ZNF44: variants seen among roughly 807,000 people sequenced by gnomAD.
ZNF44 encodes zinc finger protein 44, also known as gonadotropin inducible transcription repressor-2.
In ZNF44, 9 loss-of-function variants were observed where a neutral mutation model predicts 11.7. The ratio of observed to expected loss-of-function variants is 0.77; its 90% CI spans 0.46 to 1.35. The LOEUF (loss-of-function observed/expected upper bound fraction) is 1.35. Among genes scored for constraint, ZNF44 ranks in the 40% most tolerant of loss-of-function variants. ZNF44 has a pLI of 0.00. For missense variants in ZNF44, 696 were observed against 743.1 expected (o/e 0.94, Z 0.74); for synonymous variants, 224 against 242.7 (o/e 0.92, Z 0.72).
intron 5 of ZNF44, among the ~76,000 whole-genome samples, chr19:12,256,393 G>A (rs1917259045): frequency 6.6e-6 from 1 of 152,074 alleles, no homozygotes; most frequent in African/African-American, 2.4e-5. Flanking sequence ...GGAGGCTGAG[G>A]CAGGGGAATT....
At chr19:12,245,657 C>A (rs1410293308), downstream of ZNF44, among the ~76,000 whole-genome samples, 1 of 152,174 alleles carries the variant, frequency 6.6e-6, no homozygotes, top group African/African-American at 2.4e-5. Flanking sequence ...CAAATTAGAT[C>A]TTGTTTGAAT....
At position 12,273,278 on chromosome 19, in the gene ZNF44, C is replaced by T. The variant is rs773030380; in HGVS notation, c.977G>A (p.Arg326Lys). The change falls in exon 4 of 4, where the codon AGA becomes AAA. Residue 326 changes from arginine to lysine, a missense_variant. Arg to Lys is a conservative substitution (Grantham distance 26). Transcript: ENST00000355684. ...KAFCHLGSFQ[R>K]HMIMHSGDGP... ...ATCTCCACTGTGCATTATCATGTGT[C>T]TTTGAAAGCTTCCAAGATGACAAAA... The T allele has an allele frequency of 5.0e-6, 8 of 1,613,652 alleles. No individual in the cohort carries two copies. Among genetic ancestry groups the T allele is most frequent in the South Asian group, 2.2e-5 (2 of 91,072 alleles).
chr19:12,286,182 T>G lies in ZNF44; in HGVS notation c.3+8510A>C, dbSNP rs531650958. Among the ~76,000 whole-genome samples, 15 of 152,312 alleles carry G rather than the reference T, an allele frequency of 9.8e-5. No homozygotes were observed. In the South Asian group the frequency reaches 3.1e-3, roughly 32 times the overall value. On this transcript the variant is annotated intron_variant, in intron 1 of 3. Coordinates refer to ENST00000355684, the MANE Select transcript of ZNF44 (RefSeq NM_016264.4). ...TTTGTGTTTTTCCCCCGTTCATCCT[T>G]TCTTGATGTCTCTGAATCAAATCAA...
intron 2 of ZNF44, among the ~76,000 whole-genome samples, chr19:12,233,051 T>A (rs1262224342): frequency 6.6e-6 from 1 of 152,232 alleles, no homozygotes; most frequent in African/African-American, 2.4e-5. Flanking sequence ...ATCAGCCTAA[T>A]GGCTAAGGTC....
At chr19:12,275,173 C>T (rs913866907) in intron 2 of ZNF44, 140 bp from the exon 3 acceptor site, 13 of 536,776 alleles carry the variant, frequency 2.4e-5, no homozygotes, top group Non-Finnish European at 3.7e-5. Context: ...GTTTGAACTG[C>T]ACAAGTCCAT....
intron 1 of ZNF44, among the ~76,000 whole-genome samples, chr19:12,287,556 A>G (rs1339192581): frequency 6.6e-6 from 1 of 152,180 alleles, no homozygotes; most frequent in Non-Finnish European, 1.5e-5. Context: ...GAGAACAGGC[A>G]GTATTTGTCT....
At chr19:12,232,003 T>C (rs990166320) in intron 2 of ZNF44, among the ~76,000 whole-genome samples, 4 of 152,230 alleles carry the variant, frequency 2.6e-5, no homozygotes, top group African/African-American at 4.8e-5. Context: ...TTAGTATTTA[T>C]TGATCATTTG....
intron 5 of ZNF44, among the ~76,000 whole-genome samples, chr19:12,258,769 G>A (rs908835871): frequency 9.2e-5 from 14 of 152,146 alleles, no homozygotes; most frequent in Middle Eastern, 3.2e-3. Context: ...GGCGGAGGCT[G>A]CAGTGAGCTG....
At chr19:12,269,255 T>G (rs1966886920), downstream of ZNF44, among the ~76,000 whole-genome samples, 1 of 152,188 alleles carries the variant, frequency 6.6e-6, no homozygotes, top group East Asian at 1.9e-4. Flanking sequence ...CCGGGCACAG[T>G]GGCTCACGCC....
At chr19:12,266,183 G>A (rs1252227269) in intron 5 of ZNF44, 1 of 893,962 alleles carries the variant, frequency 1.1e-6, no homozygotes, top group Non-Finnish European at 1.3e-6. Flanking sequence ...CCCAGACCCC[G>A]GAGTCGCCCG....
intron 1 of ZNF44, among the ~76,000 whole-genome samples, chr19:12,291,731 C>T (rs1012566557): frequency 3.3e-5 from 5 of 151,816 alleles, no homozygotes; most frequent in Admixed American, 1.3e-4. Flanking sequence ...GTGGCTCACA[C>T]CTGTAATCCC....
intron 3 of ZNF44, among the ~76,000 whole-genome samples, chr19:12,227,913 T>A (rs1010925659): frequency 6.6e-6 from 1 of 152,236 alleles, no homozygotes; most frequent in African/African-American, 2.4e-5. Flanking sequence ...ACTCCATTTT[T>A]AATAAAACCT....
At chr19:12,271,456 T>C (rs1309494876), downstream of ZNF44, among the ~76,000 whole-genome samples, 1 of 152,200 alleles carries the variant, frequency 6.6e-6, no homozygotes, top group Non-Finnish European at 1.5e-5. Context: ...CCAACATAGA[T>C]GAAGGTCTTG....
chr19:12,252,905 A>C (rs1322463929), intron 5 of ZNF44, among the ~76,000 whole-genome samples: 1 of 38,208 alleles, frequency 2.6e-5, no homozygotes, highest in Admixed American at 4.0e-4. Flanking sequence ...TTTTTTTTTG[A>C]GAGACAGAGT....
Position 12,290,411 on chromosome 19 carries a change from G to C in ZNF44, c.3+4281C>G, listed in dbSNP as rs1268636348. Among the ~76,000 whole-genome samples the C allele has an allele frequency of 2.2e-5, 3 of 137,872 alleles. No homozygotes were observed. The East Asian group carries it at 6.6e-4, about 30-fold the overall frequency. The allele number at this position is 137,872 out of a possible 152,430, so 90.4% of individuals were successfully genotyped here. A position where few individuals can be genotyped will look rare whatever the true frequency, so the allele number is the denominator to read the frequency against. On this transcript the variant is annotated intron_variant, in intron 1 of 3. Coordinates refer to ENST00000355684, the MANE Select transcript of ZNF44 (RefSeq NM_016264.4). ...CGTCTTAAACAAAAAAAAAAAAAAGGCTCCTCCCAGGCCAGGCACAGTGGT... is the reference window on the plus strand; with the variant it reads ...CGTCTTAAACAAAAAAAAAAAAAAGCCTCCTCCCAGGCCAGGCACAGTGGT...
intron 5 of ZNF44, among the ~76,000 whole-genome samples, chr19:12,265,856 G>C (rs1917707656): frequency 6.6e-6 from 1 of 152,212 alleles, no homozygotes; most frequent in Admixed American, 6.5e-5. Context: ...CTTAGAAACT[G>C]CGACTTTATG....
chr19:12,291,854 T>C (rs1287476828), intron 1 of ZNF44, among the ~76,000 whole-genome samples: 2 of 150,800 alleles, frequency 1.3e-5, no homozygotes, highest in South Asian at 2.1e-4. Flanking sequence ...TAGCCAGGCA[T>C]GGTGGCATGT....
chr19:12,293,501 G>T, intron 1 of ZNF44: 2 of 831,046 alleles, frequency 2.4e-6, no homozygotes, highest in Non-Finnish European at 3.5e-6. Context: ...GTGTCAGGTG[G>T]TTATTCTCTT....
intron 5 of ZNF44, among the ~76,000 whole-genome samples, chr19:12,259,809 C>G (rs1917422987): frequency 6.6e-6 from 1 of 152,196 alleles, no homozygotes; most frequent in South Asian, 2.1e-4. Context: ...CCCACTAAAC[C>G]CAAAGGTCAA....
Sources: allele counts gnomAD v4.1 joint callset (sites outside exome capture counted in the v4.1 genomes callset), GRCh38; gene constraint gnomAD v4.1.1; transcripts MANE v1.5; gene names NCBI Gene and HGNC (gene_info 2026-07-23, HGNC 2026-07-21).